PTPRT: variants seen among roughly 807,000 people sequenced by gnomAD.
PTPRT encodes receptor-type tyrosine-protein phosphatase T.
In PTPRT, 56 loss-of-function variants were observed where a neutral mutation model predicts 176.8. The ratio of observed to expected loss-of-function variants is 0.32; its 90% CI spans 0.26 to 0.40. PTPRT has a LOEUF of 0.40. Among genes scored for constraint, PTPRT ranks in the 10% least tolerant of loss-of-function variants. The pLI is 1.00. For synonymous variants in PTPRT, 783 were observed against 739.0 expected (o/e 1.06, Z -0.96); for missense variants, 1,540 against 1,908.2 (o/e 0.81, Z 3.60).
intron 16 of PTPRT, among the ~76,000 whole-genome samples, chr20:42,180,756 C>G (rs1990482632): frequency 1.3e-5 from 2 of 152,122 alleles, no homozygotes; most frequent in Non-Finnish European, 2.9e-5. Context: ...TAAACAAGAG[C>G]CTATATCCTC....
intron 7 of PTPRT, among the ~76,000 whole-genome samples, chr20:42,585,383 T>G (rs558750217): frequency 2.2e-4 from 33 of 152,342 alleles, no homozygotes; most frequent in African/African-American, 6.7e-4. Context: ...TCCATGCATA[T>G]AGAATATTTT....
downstream of PTPRT, among the ~76,000 whole-genome samples, chr20:42,071,497 C>A (rs1435034479): frequency 1.3e-5 from 2 of 152,082 alleles, no homozygotes; most frequent in Non-Finnish European, 2.9e-5. Flanking sequence ...AGAATCCTAG[C>A]TCCTATCCTG....
chr20:42,173,327 TGTGTGTGGGGA>T (rs1990154224), intron 16 of PTPRT, among the ~76,000 whole-genome samples: 2 of 152,236 alleles, frequency 1.3e-5, no homozygotes, highest in South Asian at 4.1e-4. Flanking sequence ...GTGCATGTCA[TGTGTGTGGGGA>T]GTGTGTGTAT....
At chr20:42,582,844 C>A (rs2073399743) in intron 7 of PTPRT, among the ~76,000 whole-genome samples, 1 of 152,108 alleles carries the variant, frequency 6.6e-6, no homozygotes, top group African/African-American at 2.4e-5. Flanking sequence ...CAGATTTGAG[C>A]CCCAAATTAA....
At chr20:42,328,785 C>T (rs1053314320) in intron 11 of PTPRT, among the ~76,000 whole-genome samples, 4 of 152,028 alleles carry the variant, frequency 2.6e-5, no homozygotes, top group African/African-American at 7.2e-5. Flanking sequence ...CAACGTTGCC[C>T]GGAAAGCTCT....
At chr20:42,068,116 T>C (rs1982152842), downstream of PTPRT, among the ~76,000 whole-genome samples, 1 of 152,114 alleles carries the variant, frequency 6.6e-6, no homozygotes, top group African/African-American at 2.4e-5. Context: ...CCCCTATCAG[T>C]CAAAGATTTC....
intron 1 of PTPRT, among the ~76,000 whole-genome samples, chr20:42,900,123 A>G (rs1408609618): frequency 6.6e-6 from 1 of 152,206 alleles, no homozygotes; most frequent in Non-Finnish European, 1.5e-5. Flanking sequence ...CAACAGGCAA[A>G]TTGCCCTGTA....
chr20:43,054,118 A>T lies in PTPRT; in HGVS notation c.88+135528T>A, dbSNP rs147070795. ...GTCCCAAACCAGGGTAAGAATAGGA[A>T]GTCCTGCCTTCCTGGAGTCTTGTTC... On this transcript the variant is annotated intron_variant, in intron 1 of 30. Coordinates refer to ENST00000373187, the MANE Select transcript of PTPRT (RefSeq NM_007050.6). Among the ~76,000 whole-genome samples, 159 of 152,328 alleles carry T rather than the reference A, an allele frequency of 1.0e-3. 2 individuals are homozygous for T. The highest frequency in any genetic ancestry group is 3.7e-3 in the African/African-American group (153 of 41,562).
In PTPRT at chr20:43,172,010, T is replaced by A. The variant is rs533875340; in HGVS notation, c.88+17636A>T. Among the ~76,000 whole-genome samples the A allele has an allele frequency of 1.5e-3, 226 of 152,260 alleles. 1 individual carries two copies. Among genetic ancestry groups the A allele is most frequent in the African/African-American group, 5.2e-3 (218 of 41,538 alleles). ...AACCCAGCGCAGTACAGAGAAGGGCTCCATTAACACAATTCCCTCCCCTTG... is the reference window on the plus strand; with the variant it reads ...AACCCAGCGCAGTACAGAGAAGGGCACCATTAACACAATTCCCTCCCCTTG... On this transcript the variant is annotated intron_variant, in intron 1 of 30. Coordinates refer to ENST00000373187, the MANE Select transcript of PTPRT (RefSeq NM_007050.6).
intron 1 of PTPRT, among the ~76,000 whole-genome samples, chr20:42,971,701 C>T (rs928006226): frequency 2.0e-5 from 3 of 152,174 alleles, no homozygotes; most frequent in South Asian, 2.1e-4. Flanking sequence ...CCCCTACCCA[C>T]GGATACCAGG....
intron 7 of PTPRT, among the ~76,000 whole-genome samples, chr20:42,575,637 A>G (rs537171695): frequency 6.6e-6 from 1 of 152,096 alleles, no homozygotes; most frequent in Non-Finnish European, 1.5e-5. Flanking sequence ...TGGAACATTC[A>G]CCCTACTCAA....
At chr20:43,111,060 G>A (rs1321369888) in intron 1 of PTPRT, among the ~76,000 whole-genome samples, 2 of 152,162 alleles carry the variant, frequency 1.3e-5, no homozygotes, top group African/African-American at 4.8e-5. Flanking sequence ...CAGAGGCTAG[G>A]AAGGGAAAGG....
chr20:42,299,991 C>T (rs1369629482), intron 12 of PTPRT, among the ~76,000 whole-genome samples: 2 of 150,908 alleles, frequency 1.3e-5, no homozygotes, highest in African/African-American at 2.4e-5. Context: ...GGTGTGGCGG[C>T]TCATGCCTGT....
rs62204905 is a variant in PTPRT at position 42,474,103 on chromosome 20, A to G, written c.1154-1541T>C. 7.9e-3 allele frequency among the ~76,000 whole-genome samples: 1,209 copies of G among 152,300 alleles called. 11 individuals are homozygous for G. Among genetic ancestry groups the G allele is most frequent in the Middle Eastern group, 0.014 (4 of 294 alleles). On this transcript the variant is annotated intron_variant, in intron 7 of 30. Transcript: ENST00000373187. Reference sequence around the variant, plus strand: ...AACTGGGGTGTGTTGTTTGTTTTGCAGTAATAGTAATAATATATATGTAAT... The same window carrying G: ...AACTGGGGTGTGTTGTTTGTTTTGCGGTAATAGTAATAATATATATGTAAT...
At chr20:42,272,716 T>TGC (rs57462488) in intron 13 of PTPRT, among the ~76,000 whole-genome samples, 54 of 115,104 alleles carry the variant, frequency 4.7e-4, no homozygotes, top group African/African-American at 1.2e-3. Context: ...CACACACACG[T>TGC]GCGCGCACAC....
intron 2 of PTPRT, among the ~76,000 whole-genome samples, chr20:42,858,721 T>A (rs1326404983): frequency 6.6e-6 from 1 of 152,216 alleles, no homozygotes; most frequent in Non-Finnish European, 1.5e-5. Flanking sequence ...TAAGAATTAG[T>A]TTATGGTACT....
chr20:42,164,962 T>C (rs1411615500), intron 16 of PTPRT, among the ~76,000 whole-genome samples: 2 of 152,204 alleles, frequency 1.3e-5, no homozygotes, highest in Non-Finnish European at 2.9e-5. Context: ...ATATTTTGGA[T>C]TTCTTTCACA....
At chr20:42,093,776 T>A (rs1013087510) in intron 27 of PTPRT, among the ~76,000 whole-genome samples, 5 of 152,220 alleles carry the variant, frequency 3.3e-5, no homozygotes, top group African/African-American at 1.2e-4. Context: ...GGCAGACAGA[T>A]GCTGACGCCG....
At chr20:42,854,018 CCTTTCCAA>C (rs1402710936) in intron 2 of PTPRT, among the ~76,000 whole-genome samples, 2 of 152,158 alleles carry the variant, frequency 1.3e-5, no homozygotes, top group African/African-American at 4.8e-5. Context: ...GTCAACAAAT[CCTTTCCAA>C]CCCACCAAAT....
Sources: allele counts gnomAD v4.1 joint callset (sites outside exome capture counted in the v4.1 genomes callset), GRCh38; gene constraint gnomAD v4.1.1; transcripts MANE v1.5; gene names NCBI Gene and HGNC (gene_info 2026-07-23, HGNC 2026-07-21).